Variants in PHF8 observed in about 807,000 individuals in gnomAD.
The protein encoded by PHF8 is PHD finger protein 8.
In PHF8, 9 loss-of-function variants were observed where a neutral mutation model predicts 74.4. That is an observed-to-expected ratio of 0.12 (90% CI 0.07 to 0.21). The LOEUF (loss-of-function observed/expected upper bound fraction) is 0.21, where lower values mean the gene tolerates loss of function less well. PHF8 is among the 10% of genes least tolerant of loss of function. The pLI is 1.00. For synonymous variants in PHF8, 311 were observed against 316.6 expected (o/e 0.98, Z 0.19); for missense variants, 478 against 816.6 (o/e 0.59, Z 5.05).
At chrX:53,994,420 T>TAGA (rs1557102264) in intron 12 of PHF8, among the ~76,000 whole-genome samples, 1 of 112,477 alleles carries the variant, frequency 8.9e-6, no homozygotes, top group Non-Finnish European at 1.9e-5. Flanking sequence ...CGGGGGAAGG[T>TAGA]AGAAGGCGAA....
chrX:53,996,874 G>T (rs1220143544), intron 11 of PHF8, among the ~76,000 whole-genome samples: 3 of 112,185 alleles, frequency 2.7e-5, no homozygotes, highest in Non-Finnish European at 1.9e-5. Context: ...GACAGAGGAG[G>T]AGTTCTTTGT....
chrX:54,044,627 A>G (rs1331000447), upstream of PHF8, among the ~76,000 whole-genome samples: 1 of 112,639 alleles, frequency 8.9e-6, no homozygotes, highest in Admixed American at 9.3e-5. Context: ...GAAGACCTTG[A>G]GCCCAGAGGC....
chrX:53,975,976 T>C (rs1337816762), intron 18 of PHF8, among the ~76,000 whole-genome samples: 1 of 110,322 alleles, frequency 9.1e-6, no homozygotes, highest in Admixed American at 9.8e-5. Flanking sequence ...AACCCCAAAA[T>C]ATACACAATA....
chrX:54,008,448 G>C (rs192547328), intron 8 of PHF8, among the ~76,000 whole-genome samples: 9 of 109,427 alleles, frequency 8.2e-5, no homozygotes, highest in African/African-American at 2.7e-4. Flanking sequence ...CAGCACTCTG[G>C]GAGGCCTAGG....
intron 8 of PHF8, among the ~76,000 whole-genome samples, chrX:54,006,730 G>A (rs924841975): frequency 8.1e-5 from 9 of 110,621 alleles, no homozygotes; most frequent in Non-Finnish European, 1.7e-4. Context: ...GAGGTCTAGA[G>A]TTCGAGACCA....
At chrX:53,943,879 G>C (rs2064791460) in intron 20 of PHF8, among the ~76,000 whole-genome samples, 1 of 112,043 alleles carries the variant, frequency 8.9e-6, no homozygotes, top group Non-Finnish European at 1.9e-5. Context: ...AAAAAGGTAA[G>C]TGGGTTTTTC....
At chrX:53,945,469 C>T (rs1229330702) in intron 19 of PHF8, among the ~76,000 whole-genome samples, 1 of 110,361 alleles carries the variant, frequency 9.1e-6, no homozygotes, top group Non-Finnish European at 1.9e-5. Flanking sequence ...GAGATTGCAT[C>T]ACTGCACACC....
chrX:53,958,598 G>A (rs1490330096), intron 19 of PHF8, among the ~76,000 whole-genome samples: 3 of 104,233 alleles, frequency 2.9e-5, no homozygotes, highest in African/African-American at 7.0e-5. Flanking sequence ...TGGCTAACAC[G>A]GTGAAACCCC....
intron 2 of PHF8, among the ~76,000 whole-genome samples, chrX:54,041,744 G>A (rs1276979016): frequency 1.8e-5 from 2 of 112,517 alleles, no homozygotes; most frequent in African/African-American, 3.2e-5. Flanking sequence ...GCAGATAAAT[G>A]CTGTAGAAAT....
chrX:53,984,560 A>T (rs371721660), intron 18 of PHF8, among the ~76,000 whole-genome samples: 82 of 111,773 alleles, frequency 7.3e-4, no homozygotes, highest in African/African-American at 2.4e-3. Context: ...GCAGGACACA[A>T]ATGACACAGA....
At chrX:53,966,921 G>A (rs2149802138) in intron 18 of PHF8, among the ~76,000 whole-genome samples, 1 of 109,362 alleles carries the variant, frequency 9.1e-6, no homozygotes, top group South Asian at 4.1e-4. Context: ...CTGCCCGGTC[G>A]CGACCCCGTC....
upstream of PHF8, among the ~76,000 whole-genome samples, chrX:54,045,900 G>A (rs907136367): frequency 6.4e-5 from 7 of 110,027 alleles, no homozygotes; most frequent in Middle Eastern, 4.7e-3. Context: ...TTTGAGCAGG[G>A]GTAGCTTAGT....
chrX:54,022,560 AAGGG>A (rs1345885621), intron 3 of PHF8, among the ~76,000 whole-genome samples, 193 bp from the exon 4 acceptor site: 1 of 111,627 alleles, frequency 9.0e-6, no homozygotes, highest in Non-Finnish European at 1.9e-5. Context: ...AAGCCTTAGG[AAGGG>A]AGGGAGGTGA....
chrX:53,984,831 G>A, intron 18 of PHF8, 83 bp downstream of exon 18: 1 of 755,191 alleles, frequency 1.3e-6, no homozygotes. Context: ...TTCACTACAA[G>A]CTGTCCTCTA....
chrX:53,942,581 G>A, intron 20 of PHF8: 1 of 457,574 alleles, frequency 2.2e-6, no homozygotes, highest in Non-Finnish European at 2.7e-6. Context: ...GACCATAGTG[G>A]GGATACCAAG....
At chrX:53,948,979 C>T (rs1424363556) in intron 19 of PHF8, among the ~76,000 whole-genome samples, 1 of 109,731 alleles carries the variant, frequency 9.1e-6, no homozygotes, top group Non-Finnish European at 1.9e-5. Context: ...GAGCCAAGAT[C>T]GTGCCATTGC....
At chrX:53,981,028 C>T (rs975652147) in intron 18 of PHF8, among the ~76,000 whole-genome samples, 10 of 112,325 alleles carry the variant, frequency 8.9e-5, no homozygotes, top group African/African-American at 2.3e-4. Flanking sequence ...GCCTGGCCAA[C>T]GTGGTGAAAC....
At position 54,022,328 on chromosome X, in the gene PHF8, T is replaced by C; in HGVS notation, c.224A>G (p.His75Arg). The C allele has an allele frequency of 8.3e-7, 1 of 1,206,299 alleles. No homozygotes were observed. The highest frequency in any genetic ancestry group is 1.1e-6 in the Non-Finnish European group (1 of 890,436). Residue 75 changes from histidine (H) to arginine (R), a missense_variant, in exon 4 of 22, where the codon CAC becomes CGC. His to Arg is a conservative substitution (Grantham distance 29). Coordinates refer to ENST00000338154, the MANE Select transcript of PHF8 (RefSeq NM_015107.3). ...CCCGGTCTTCACTGGTTTCCCCTTG[T>C]GTGTATCATGCCCCTTTGAAGATCC... is the stretch of plus-strand genomic sequence containing the variant. Reference protein sequence around the residue: ...RRGSSKGHDTHKGKPVKTGSP... With the variant: ...RRGSSKGHDTRKGKPVKTGSP...
At chrX:54,017,075 C>T (rs1299919125) in intron 5 of PHF8, among the ~76,000 whole-genome samples, 1 of 112,667 alleles carries the variant, frequency 8.9e-6, no homozygotes, top group Non-Finnish European at 1.9e-5. Flanking sequence ...AAAGCTTTCT[C>T]ATTTCAACAG....
Sources: gnomAD v4.1 joint callset for allele counts (sites outside exome capture counted in the v4.1 genomes callset) on GRCh38, gnomAD v4.1.1 for gene constraint, MANE v1.5 for transcripts, NCBI Gene and HGNC (gene_info 2026-07-23, HGNC 2026-07-21) for gene names.